THSD7B: variants seen among roughly 807,000 people sequenced by gnomAD.
The protein encoded by THSD7B is thrombospondin type 1 domain containing 7B, also known as thrombospondin type-1 domain-containing protein 7B.
THSD7B carries 138 observed loss-of-function variants against 213.6 expected under a neutral mutation model. The ratio of observed to expected loss-of-function variants is 0.65; its 90% CI spans 0.56 to 0.74. The LOEUF is 0.74. THSD7B is among the 30% of genes least tolerant of loss of function. The probability of loss-of-function intolerance (pLI) is 0.00; values close to 1 mark genes in which losing one functional copy is unlikely to be tolerated. For synonymous variants in THSD7B, 742 were observed against 687.0 expected, an observed-to-expected ratio of 1.08 and a Z score of -1.25; for missense variants, 1,931 against 1,991.5, an observed-to-expected ratio of 0.97 and a Z score of 0.58.
rs1018995401 is a variant in THSD7B at position 137,426,743 on chromosome 2, C to A, written c.2959+14871C>A. 2.0e-5 allele frequency among the ~76,000 whole-genome samples: 3 copies of A among 152,026 alleles called. No individual in the cohort carries two copies. In the South Asian group the frequency reaches 6.2e-4, roughly 31 times the overall value. ...GAAACATTCATGACATTGGTCTTGA[C>A]AATGATATTTTGGATATGACGCCAA... On this transcript the variant is annotated intron_variant, in intron 14 of 27. Transcript: ENST00000409968.
chr2:137,520,027 G>A (rs1680150883), intron 15 of THSD7B, among the ~76,000 whole-genome samples: 1 of 152,146 alleles, frequency 6.6e-6, no homozygotes, highest in Non-Finnish European at 1.5e-5. Flanking sequence ...AATGTCACAG[G>A]GACATCGTGA....
intron 2 of THSD7B, among the ~76,000 whole-genome samples, chr2:136,949,563 A>G (rs1489474535): frequency 6.6e-6 from 1 of 152,174 alleles, no homozygotes; most frequent in Non-Finnish European, 1.5e-5. Context: ...CTGCCCTGTA[A>G]TGCACACCCA....
In THSD7B at chr2:137,152,006, A is replaced by AT. The variant is rs201462563; in HGVS notation, c.1370-8187dup. On this transcript the variant is annotated intron_variant, in intron 5 of 27. Coordinates refer to ENST00000409968, the MANE Select transcript of THSD7B (RefSeq NM_001316349.2). ...CTTCCCCAGTTTCAAAGCTACCTTA[A>AT]TTTTTTTTTTTTTTTTTTTTGTCAT... 7.2e-3 allele frequency among the ~76,000 whole-genome samples: 984 copies of AT among 137,616 alleles called. 16 individuals are homozygous for AT. Among genetic ancestry groups the AT allele is most frequent in the Admixed American group, 0.034 (475 of 13,796 alleles). 90.3% of individuals were successfully genotyped at this position (137,616 alleles called of 152,430 possible).
At chr2:136,857,131 A>G (rs1558827963) in intron 1 of THSD7B, among the ~76,000 whole-genome samples, 1 of 152,248 alleles carries the variant, frequency 6.6e-6, no homozygotes, top group African/African-American at 2.4e-5. Context: ...ATGATTTGCT[A>G]TATAAGCATT....
chr2:137,073,213 G>A (rs188819244), intron 3 of THSD7B, among the ~76,000 whole-genome samples: 5,995 of 152,112 alleles, frequency 0.039, 182 homozygotes, highest in Admixed American at 0.07. Context: ...GGTAGAATTC[G>A]GCTGTGAATC....
intron 15 of THSD7B, among the ~76,000 whole-genome samples, chr2:137,495,554 T>A (rs912248611): frequency 9.9e-5 from 15 of 152,248 alleles, no homozygotes; most frequent in African/African-American, 3.6e-4. Flanking sequence ...AGGATTATCT[T>A]GGGAGGGACT....
At chr2:137,473,587 A>G (rs1306342071) in intron 15 of THSD7B, among the ~76,000 whole-genome samples, 1 of 152,186 alleles carries the variant, frequency 6.6e-6, no homozygotes, top group African/African-American at 2.4e-5. Context: ...TAGCAGAATT[A>G]TTTTATGCTC....
rs1245819399 is a variant in THSD7B, at chr2:137,303,684, TTATATATATTTATATATATTTA to T, written c.2500+27678_2500+27699del. ...TGTTTATATATATTAATATATATAT[TTATATATATTTATATATATTTA>T]TATATATATTTATATATATATTTAT... On this transcript the variant is annotated intron_variant, in intron 12 of 27. Transcript: ENST00000409968. 4.1e-4 allele frequency among the ~76,000 whole-genome samples: 50 copies of T among 122,058 alleles called. 2 individuals carry two copies. In the South Asian group the frequency reaches 5.3e-3, roughly 13 times the overall value. 80.1% of individuals were successfully genotyped at this position (122,058 alleles called of 152,430 possible). A position where few individuals can be genotyped will look rare whatever the true frequency, so the allele number is the denominator to read the frequency against.
chr2:136,961,174 T>G (rs1685211547), intron 2 of THSD7B, among the ~76,000 whole-genome samples: 1 of 150,562 alleles, frequency 6.6e-6, no homozygotes, highest in African/African-American at 2.4e-5. Flanking sequence ...TTTCTGTTTC[T>G]GATTCAAAGC....
At chr2:137,009,410 A>G (rs1686180886) in intron 2 of THSD7B, among the ~76,000 whole-genome samples, 2 of 152,122 alleles carry the variant, frequency 1.3e-5, no homozygotes, top group African/African-American at 2.4e-5. Flanking sequence ...GTTTAACAGC[A>G]TATCTGGTCT....
intron 27 of THSD7B, among the ~76,000 whole-genome samples, chr2:137,673,311 G>A (rs1046889105): frequency 2.0e-5 from 3 of 152,174 alleles, no homozygotes; most frequent in African/African-American, 7.2e-5. Flanking sequence ...ATTGCAAAAT[G>A]GTTTTATGCT....
rs141082619 is a variant in THSD7B, at chr2:137,606,875, G to A, written c.3424-9300G>A. Among the ~76,000 whole-genome samples, 19 of 152,198 alleles carry A rather than the reference G, an allele frequency of 1.2e-4. No individual in the cohort carries two copies. The East Asian group carries it at 3.7e-3, about 29-fold the overall frequency. The stretch of plus-strand genomic sequence containing the variant: ...AACTGAGATTGAGATTAAGAGTTTC[G>A]TGTGCCCTCATTTCAAATGGCAACT... On this transcript the variant is annotated intron_variant, in intron 17 of 27. Transcript: ENST00000409968.
At chr2:137,527,484 G>C (rs1294381581) in intron 15 of THSD7B, among the ~76,000 whole-genome samples, 1 of 152,076 alleles carries the variant, frequency 6.6e-6, no homozygotes, top group African/African-American at 2.4e-5. Flanking sequence ...CAGTTACCTT[G>C]CTCCATTTTT....
chr2:137,286,563 C>G (rs960542778), intron 12 of THSD7B, among the ~76,000 whole-genome samples: 32 of 152,072 alleles, frequency 2.1e-4, no homozygotes, highest in African/African-American at 7.2e-4. Context: ...TATTTTCTGC[C>G]GTAGCCATCT....
intron 12 of THSD7B, among the ~76,000 whole-genome samples, chr2:137,398,506 A>T (rs955306029): frequency 6.6e-5 from 10 of 152,010 alleles, no homozygotes; most frequent in South Asian, 4.2e-4. Context: ...CCACTTGAGG[A>T]GGCAGTCTAC....
intron 12 of THSD7B, among the ~76,000 whole-genome samples, chr2:137,317,605 A>G (rs1573958058): frequency 2.0e-5 from 3 of 152,326 alleles, no homozygotes; most frequent in Middle Eastern, 6.8e-3. Flanking sequence ...GGGCTTTAAA[A>G]AGTATTGATG....
chr2:137,108,395 A>G (rs1688292945), intron 4 of THSD7B, among the ~76,000 whole-genome samples: 1 of 152,206 alleles, frequency 6.6e-6, no homozygotes, highest in Admixed American at 6.5e-5. Flanking sequence ...TGGCTTTGCT[A>G]ATTTAGGATG....
At chr2:137,432,077 C>A (rs1195765378) in intron 14 of THSD7B, among the ~76,000 whole-genome samples, 1 of 152,110 alleles carries the variant, frequency 6.6e-6, no homozygotes, top group African/African-American at 2.4e-5. Context: ...AAATTAACTT[C>A]ATTTAATTAA....
intron 12 of THSD7B, among the ~76,000 whole-genome samples, chr2:137,288,700 C>A (rs993481606): frequency 6.6e-6 from 1 of 151,906 alleles, no homozygotes; most frequent in African/African-American, 2.4e-5. Context: ...TTAAAAAGTT[C>A]ACATCAATAA....
Sources: allele counts gnomAD v4.1 joint callset (sites outside exome capture counted in the v4.1 genomes callset), GRCh38; gene constraint gnomAD v4.1.1; transcripts MANE v1.5; gene names NCBI Gene and HGNC (gene_info 2026-07-23, HGNC 2026-07-21).